CELSR1: variants seen among roughly 807,000 people sequenced by gnomAD.
The protein encoded by CELSR1 is adhesion G protein-coupled receptor C1.
In CELSR1, 110 loss-of-function variants were observed where a neutral mutation model predicts 249.1. The ratio of observed to expected loss-of-function variants is 0.44; its 90% CI spans 0.38 to 0.52. The LOEUF is 0.52. CELSR1 is among the 20% of genes least tolerant of loss of function. The pLI, the probability that CELSR1 is intolerant of heterozygous loss-of-function variation, is 0.00. For missense variants in CELSR1, 4,109 were observed against 4,296.4 expected, an observed-to-expected ratio of 0.96 and a Z score of 1.22; for synonymous variants, 2,113 against 1,900.0, an observed-to-expected ratio of 1.11 and a Z score of -2.92.
chr22:46,404,035 C>A (rs1409733473), intron 9 of CELSR1, among the ~76,000 whole-genome samples: 2 of 149,324 alleles, frequency 1.3e-5, no homozygotes, highest in Non-Finnish European at 3.0e-5. Context: ...CTGTAAACCA[C>A]ATTTCAAAGC....
Position 46,364,541 on chromosome 22 carries a change from G to A in CELSR1, c.8750C>T (p.Ala2917Val), listed in dbSNP as rs148540374. The change falls in exon 33 of 35, where the codon GCT (alanine) becomes GTT (valine). Residue 2917 changes from alanine to valine, a missense_variant. Physicochemically the swap from Ala to Val is moderately conservative, Grantham distance 64. Around this residue, in one of 7 missense-constraint regions of CELSR1, gnomAD observed 1,805 missense variants for 1,831.6 expected, o/e 0.99. Transcript: ENST00000674500. ...CCTCTGCTCTGGGGGCTGGCTGCTA[G>A]CAAGCCTGGCTGCGCCCCCGCTCTC... ...DQESGGAARL[A>V]SSQPPEQRKG... 3.7e-6 allele frequency: 6 copies of A among 1,611,588 alleles called. No homozygotes were observed. The African/African-American group carries it at 4.0e-5, about 11-fold the overall frequency.
At chr22:46,379,158 C>T (rs924225405) in intron 22 of CELSR1, among the ~76,000 whole-genome samples, 2 of 152,212 alleles carry the variant, frequency 1.3e-5, no homozygotes, top group Admixed American at 6.5e-5. Flanking sequence ...TGAGGGCAGA[C>T]GCTCTCAGAA....
At chr22:46,389,155 G>C in intron 18 of CELSR1, 135 bp downstream of exon 18, 1 of 994,264 alleles carries the variant, frequency 1.0e-6, no homozygotes, top group Non-Finnish European at 1.5e-6. Context: ...GCTCACATTT[G>C]AGAAATGAGG....
Position 46,464,454 on chromosome 22 carries a change from C to T in CELSR1, c.3545-109G>A, listed in dbSNP as rs1353160378. 7 of 1,152,750 alleles carry T rather than the reference C, an allele frequency of 6.1e-6. No individual in the cohort carries two copies. The highest frequency in any genetic ancestry group is 8.5e-6 in the Non-Finnish European group (7 of 824,152). 71.4% of individuals were successfully genotyped at this position (1,152,750 alleles called of 1,614,324 possible). On this transcript the variant is annotated intron_variant, in intron 1 of 34. Transcript: ENST00000674500. This position sits in a 1 kb window ranked among gnomAD's most constrained non-coding sequence, Gnocchi z 8.5. ...GCATGCTTGGCAAAGGAGAAGAGAG[C>T]CTGGGCATCCCCACTCCCCATTCCC...
At chr22:46,369,368 G>GGTCCTCCTCACCC in intron 26 of CELSR1, 110 bp from the exon 27 acceptor site, 1 of 929,454 alleles carries the variant, frequency 1.1e-6, no homozygotes, top group Non-Finnish European at 1.7e-6. Flanking sequence ...GCTGGGTGAG[G>GGTCCTCCTCACCC]AGGACCCGAA....
intron 5 of CELSR1, among the ~76,000 whole-genome samples, chr22:46,418,259 T>C (rs1240399791): frequency 2.0e-5 from 3 of 152,132 alleles, no homozygotes; most frequent in African/African-American, 7.2e-5. Flanking sequence ...GGTGGGCGGA[T>C]CACTTGCAGT....
intron 20 of CELSR1, 93 bp from the exon 21 acceptor site, chr22:46,382,143 C>T: frequency 8.5e-7 from 1 of 1,181,852 alleles, no homozygotes; most frequent in South Asian, 1.6e-5. Context: ...CAAAAACCAA[C>T]AGATGTCCCA....
rs375767097 is a variant in CELSR1 at position 46,383,319 on chromosome 22, G to A, written c.6883+1224C>T. 6.6e-5 allele frequency among the ~76,000 whole-genome samples: 10 copies of A among 152,022 alleles called. No homozygotes were observed. In the East Asian group the frequency reaches 1.5e-3, roughly 23 times the overall value. On this transcript the variant is annotated intron_variant, in intron 20 of 34. Coordinates refer to ENST00000674500, the MANE Select transcript of CELSR1 (RefSeq NM_001378328.1). ...TCCATTACAGAGTTTACCTTTTCAC[G>A]TCCTTTTTATTTGGGGAAGGTTTTA...
Position 46,473,031 on chromosome 22 carries a change from C to G in CELSR1, c.3545-8686G>C, listed in dbSNP as rs1287516784. Among the ~76,000 whole-genome samples, 1 of 152,036 alleles carries G rather than the reference C, an allele frequency of 6.6e-6. No homozygotes were observed. The highest frequency in any genetic ancestry group is 1.5e-5 in the Non-Finnish European group (1 of 68,016). On this transcript the variant is annotated intron_variant, in intron 1 of 34. Coordinates refer to ENST00000674500, the MANE Select transcript of CELSR1 (RefSeq NM_001378328.1). The surrounding 1 kb of genome is among the most constrained non-coding windows in gnomAD (Gnocchi z 6.6). ...GAATTTTGGGGGGACGTTAGTCAAC[C>G]CCGGGAATGCAGAGTAGCGGAGAGA...
intron 2 of CELSR1, among the ~76,000 whole-genome samples, chr22:46,458,901 G>A (rs1364974880): frequency 6.6e-6 from 1 of 151,940 alleles, no homozygotes; most frequent in Non-Finnish European, 1.5e-5. Flanking sequence ...TTTTGTTTGT[G>A]TTTTTGTTTT....
chr22:46,404,765 A>C (rs976624143), intron 9 of CELSR1, among the ~76,000 whole-genome samples: 5 of 152,084 alleles, frequency 3.3e-5, no homozygotes, highest in Admixed American at 3.3e-4. Flanking sequence ...GTAGGATTAC[A>C]TCCATGAGCC....
rs745624404 is a variant in CELSR1, at chr22:46,535,886, C to T, written c.1285G>A (p.Ala429Thr). Residue 429 changes from alanine (A) to threonine (T), a missense_variant, in exon 1 of 35, where the codon GCC (alanine) becomes ACC (threonine). Transcript: ENST00000674500. ...CCCGGATTGCGCCCCTGGTCGTTGG[C>T]CTCCACCAGGAGCTGGTACTCGGCC... ...EAAEYQLLVEANDQGRNPGPL... is the reference protein window; with the variant it reads ...EAAEYQLLVETNDQGRNPGPL... The T allele has an allele frequency of 2.1e-5, 33 of 1,606,318 alleles. No individual in the cohort carries two copies. Among genetic ancestry groups the T allele is most frequent in the Non-Finnish European group, 2.8e-5 (33 of 1,177,858 alleles).
intron 2 of CELSR1, among the ~76,000 whole-genome samples, chr22:46,443,667 AC>A (rs2079782137): frequency 6.6e-6 from 1 of 152,220 alleles, no homozygotes; most frequent in African/African-American, 2.4e-5. Flanking sequence ...GTTCACACAC[AC>A]ACACATACAT....
chr22:46,463,621 G>A (rs954186595), intron 2 of CELSR1, 86 bp downstream of exon 2: 8 of 1,377,494 alleles, frequency 5.8e-6, no homozygotes, highest in Non-Finnish European at 7.6e-6. Flanking sequence ...TCCCCGGAGG[G>A]AAGTAAACAG....
At chr22:46,443,103 A>G (rs76325465) in intron 2 of CELSR1, among the ~76,000 whole-genome samples, 2 of 133,328 alleles carry the variant, frequency 1.5e-5, no homozygotes, top group Non-Finnish European at 3.1e-5. Flanking sequence ...GTCTCTTAAG[A>G]AAAAAAAAAA....
At chr22:46,383,960 AT>A (rs563923943) in intron 20 of CELSR1, among the ~76,000 whole-genome samples, 68 of 147,542 alleles carry the variant, frequency 4.6e-4, no homozygotes, top group South Asian at 2.6e-3. Context: ...ACATTTTGGA[AT>A]TTTTTTTTTT....
Position 46,380,140 on chromosome 22 carries a change from G to A in CELSR1, c.7256+648C>T, listed in dbSNP as rs9615972. On this transcript the variant is annotated intron_variant, in intron 22 of 34. Transcript: ENST00000674500. The surrounding 1 kb of genome is among the most constrained non-coding windows in gnomAD (Gnocchi z 5.1). ...GCTGAATCCAGTCTCACGTGTGGGTGAGAATCACTCATTTTGCATTTTTCT... is the reference window on the plus strand; with the variant it reads ...GCTGAATCCAGTCTCACGTGTGGGTAAGAATCACTCATTTTGCATTTTTCT... 0.082 allele frequency among the ~76,000 whole-genome samples: 12,484 copies of A among 152,312 alleles called. 567 individuals carry two copies. Among genetic ancestry groups the A allele is most frequent in the Non-Finnish European group, 0.092 (6,269 of 68,032 alleles).
Position 46,464,326 on chromosome 22 carries a change from C to T in CELSR1, c.3564G>A (p.Thr1188=), listed in dbSNP as rs35475907. The T allele has an allele frequency of 0.01, 16,166 of 1,610,728 alleles. 244 individuals carry two copies. Among genetic ancestry groups the T allele is most frequent in the African/African-American group, 0.069 (5,202 of 74,988 alleles). Residue 1188 remains threonine (T), a synonymous_variant, in exon 2 of 35, where the codon ACG becomes ACA. Coordinates refer to ENST00000674500, the MANE Select transcript of CELSR1 (RefSeq NM_001378328.1). This position sits in a 1 kb window ranked among gnomAD's most constrained non-coding sequence, Gnocchi z 8.5. ...TGGTGACACGCAGGGTGCAGAAGGC[C>T]GTGACGCTGTGGATGCCATCTGCAG... The part of the protein sequence containing the change: ...VSVSDGIHSV[T]AFCTLRVTII...
intron 5 of CELSR1, among the ~76,000 whole-genome samples, chr22:46,421,219 G>A (rs530906080): frequency 6.6e-6 from 1 of 152,232 alleles, no homozygotes; most frequent in South Asian, 2.1e-4. Context: ...GGGGGTAGAG[G>A]CGGGAAAGGC....
Sources: gnomAD v4.1 joint callset for allele counts (sites outside exome capture counted in the v4.1 genomes callset) on GRCh38, gnomAD v4.1.1 for gene constraint, gnomAD v4.1.1 regional missense constraint, Gnocchi (gnomAD v3.1) non-coding constraint, MANE v1.5 for transcripts, NCBI Gene and HGNC (gene_info 2026-07-23, HGNC 2026-07-21) for gene names.